C2CD3: variants seen among roughly 807,000 people sequenced by gnomAD.
C2CD3 encodes the protein C2 domain containing 3 centriole elongation regulator, also known as C2 domain-containing protein 3.
A neutral mutation model predicts 234.0 loss-of-function variants in C2CD3; 148 were observed. The observed-to-expected ratio is 0.63, with a 90% CI of 0.55 to 0.72. The LOEUF is 0.72. Ranked by LOEUF, C2CD3 falls within the 30% of genes least tolerant of loss-of-function variation. The pLI, the probability that C2CD3 is intolerant of heterozygous loss-of-function variation, is 0.00. For missense variants in C2CD3, 2,577 were observed against 2,811.5 expected (o/e 0.92, Z 1.89); for synonymous variants, 1,000 against 1,035.4 (o/e 0.97, Z 0.66).
chr11:74,118,368 G>A lies in C2CD3; in HGVS notation c.1380C>T (p.Ser460=). 1 of 1,612,288 alleles carries A rather than the reference G, an allele frequency of 6.2e-7. No homozygotes were observed. The highest frequency in any genetic ancestry group is 8.5e-7 in the Non-Finnish European group (1 of 1,178,502). Residue 460 remains serine (S), a synonymous_variant, in exon 9 of 33, where the codon AGC becomes AGT. Transcript: ENST00000334126. ...LFYTAPKSDT[S]ISDFLSEEDD... ...CCTCTTCACTGAGGAAATCACTGAT[G>A]CTGGTATCAGATTTCTATGGAGAGG...
Position 74,048,292 on chromosome 11 carries a change from G to A in C2CD3, c.5408C>T (p.Ala1803Val). 6.2e-7 allele frequency: 1 copy of A among 1,613,734 alleles called. No homozygotes were observed. Among genetic ancestry groups the A allele is most frequent in the Non-Finnish European group, 8.5e-7 (1 of 1,179,768 alleles). Residue 1803 changes from alanine (A) to valine (V), a missense_variant, in exon 28 of 33, where the codon GCT (alanine) becomes GTT (valine). Ala to Val is a moderately conservative substitution (Grantham distance 64). Coordinates refer to ENST00000334126, the MANE Select transcript of C2CD3 (RefSeq NM_001286577.2). ...PFSFPASDTY[A>V]AFSSHMARQT... Reference sequence around the variant, plus strand: ...CCTTGCCATGTGGCTGGAGAATGCAGCATACGTATCAGAGGCAGGGAAGGA... The same window carrying A: ...CCTTGCCATGTGGCTGGAGAATGCAACATACGTATCAGAGGCAGGGAAGGA...
chr11:74,066,725 C>G (rs192933648), intron 24 of C2CD3, among the ~76,000 whole-genome samples: 86 of 151,806 alleles, frequency 5.7e-4, no homozygotes, highest in Middle Eastern at 3.4e-3. Context: ...GCATCATAGT[C>G]AATCTGCTTA....
chr11:74,109,112 A>G lies in C2CD3; in HGVS notation c.1884T>C (p.Phe628=), dbSNP rs777025781. Residue 628 remains phenylalanine, a synonymous_variant, in exon 12 of 33, where the codon TTT becomes TTC. Coordinates refer to ENST00000334126, the MANE Select transcript of C2CD3 (RefSeq NM_001286577.2). The stretch of plus-strand genomic sequence containing the variant: ...ACCAGTGCTCTATCATTGGGCCACC[A>G]AACTGTACTGGAAACACAAATCGCT... The part of the protein sequence containing the change: ...FQQRFVFPVQ[F]GGPMIEHWWN... The G allele has an allele frequency of 1.3e-4, 208 of 1,599,934 alleles. No homozygotes were observed. Among genetic ancestry groups the G allele is most frequent in the Non-Finnish European group, 1.7e-4 (202 of 1,174,650 alleles).
At chr11:74,048,126 GA>G in intron 28 of C2CD3, 78 bp downstream of exon 28, 1 of 1,451,214 alleles carries the variant, frequency 6.9e-7, no homozygotes, top group Non-Finnish European at 9.4e-7. Context: ...TCTAATAAAG[GA>G]AAGAGAGAAA....
At chr11:74,055,383 A>C (rs941566429) in intron 25 of C2CD3, among the ~76,000 whole-genome samples, 1 of 139,156 alleles carries the variant, frequency 7.2e-6, no homozygotes, top group Non-Finnish European at 1.5e-5. Flanking sequence ...TATATATTAC[A>C]TAAATTACAG....
rs1857177134 is a variant in C2CD3, at chr11:74,170,973, C to T, written c.-181G>A. ...TCCGGAAAACGGTGCGAAGAGAAGGCGCCAAGACGCCTTCCCTCCAATACA... is the reference window on the plus strand; with the variant it reads ...TCCGGAAAACGGTGCGAAGAGAAGGTGCCAAGACGCCTTCCCTCCAATACA... On this transcript the variant is annotated 5_prime_UTR_variant, in exon 1 of 33. Transcript: ENST00000334126. The T allele has an allele frequency of 2.2e-6, 3 of 1,360,888 alleles. No homozygotes were observed. The highest frequency in any genetic ancestry group is 3.0e-6 in the Non-Finnish European group (3 of 1,009,160). The allele number at this position is 1,360,888 out of a possible 1,614,324, so 84.3% of individuals were successfully genotyped here.
intron 2 of C2CD3, among the ~76,000 whole-genome samples, chr11:74,163,641 C>T (rs1856618548): frequency 6.6e-6 from 1 of 152,080 alleles, no homozygotes; most frequent in Admixed American, 6.5e-5. Context: ...TGTTTGCTTC[C>T]CCTTCTGCCA....
At chr11:74,118,608 A>G (rs1271679981) in intron 8 of C2CD3, among the ~76,000 whole-genome samples, 1 of 152,242 alleles carries the variant, frequency 6.6e-6, no homozygotes, top group Admixed American at 6.5e-5. Context: ...AAAGGAAGGT[A>G]GATTCTTCTT....
intron 16 of C2CD3, among the ~76,000 whole-genome samples, chr11:74,097,086 T>C (rs992854434): frequency 6.0e-5 from 9 of 151,002 alleles, no homozygotes; most frequent in Admixed American, 3.3e-4. Flanking sequence ...TTGGTGGAGG[T>C]TGTAGTGAGC....
chr11:74,091,033 C>T, intron 19 of C2CD3, 97 bp from the exon 20 acceptor site: 3 of 1,244,344 alleles, frequency 2.4e-6, no homozygotes, highest in Non-Finnish European at 3.4e-6. Context: ...AGAGGATTAA[C>T]ACTACAACGA....
chr11:74,049,308 T>C, intron 27 of C2CD3, 29 bp downstream of exon 27: 2 of 1,575,610 alleles, frequency 1.3e-6, no homozygotes, highest in Non-Finnish European at 1.7e-6. Flanking sequence ...CAATTCGTAT[T>C]GGTTAGGGAT....
intron 3 of C2CD3, among the ~76,000 whole-genome samples, chr11:74,141,895 G>A (rs947835695): frequency 2.6e-5 from 4 of 151,856 alleles, no homozygotes; most frequent in African/African-American, 4.8e-5. Context: ...CTAGCTACTC[G>A]CTAGGCTGAG....
At chr11:74,132,753 A>G (rs1957716116) in intron 7 of C2CD3, 91 bp downstream of exon 7, 1 of 1,265,692 alleles carries the variant, frequency 7.9e-7, no homozygotes, top group Non-Finnish European at 1.1e-6. Flanking sequence ...GTCTAAGGAC[A>G]TGTTACTTTA....
chr11:74,041,484 T>G (rs1265127841), intron 29 of C2CD3, among the ~76,000 whole-genome samples: 1 of 152,084 alleles, frequency 6.6e-6, no homozygotes, highest in East Asian at 1.9e-4. Context: ...CAGCTCTTAC[T>G]ACCCTGCATT....
chr11:74,034,104 G>A lies in C2CD3; in HGVS notation c.6056C>T (p.Pro2019Leu). 6.5e-7 allele frequency: 1 copy of A among 1,536,188 alleles called. No homozygotes were observed. The highest frequency in any genetic ancestry group is 8.7e-7 in the Non-Finnish European group (1 of 1,146,922). The change falls in exon 31 of 33, where the codon CCA becomes CTA. Residue 2019 changes from proline (P) to leucine (L), a missense_variant. Physicochemically the swap from Pro to Leu is moderately conservative, Grantham distance 98 (BLOSUM62 -3). Transcript: ENST00000334126. ...AGTCTCTTCGAGAGGAGGGGGTGAT[G>A]GGGAATCTGTGCCTTTATCTGGAGC... is the stretch of plus-strand genomic sequence containing the variant. ...VRAPDKGTDS[P>L]SPPPLEETSN... is the part of the protein sequence containing the mutation.
chr11:74,093,789 C>T, intron 18 of C2CD3, 27 bp downstream of exon 18: 2 of 1,590,830 alleles, frequency 1.3e-6, no homozygotes, highest in Non-Finnish European at 1.7e-6. Context: ...CCTTCCTAGG[C>T]ATAGGACTGG....
At chr11:74,129,408 G>A (rs1280966780) in intron 7 of C2CD3, 25 of 175,572 alleles carry the variant, frequency 1.4e-4, no homozygotes, top group African/African-American at 4.7e-4. Flanking sequence ...GGTCGCGGCC[G>A]GGCAGAGGCG....
At chr11:74,098,351 T>C (rs1956189081) in intron 15 of C2CD3, 96 bp from the exon 16 acceptor site, 2 of 1,311,002 alleles carry the variant, frequency 1.5e-6, no homozygotes, top group Admixed American at 4.4e-5. Flanking sequence ...TTGTTAAAAA[T>C]AGATTTGCAA....
chr11:74,111,605 C>T lies in C2CD3; in HGVS notation c.1843+2175G>A, dbSNP rs56281925. 2.6e-3 allele frequency among the ~76,000 whole-genome samples: 399 copies of T among 152,064 alleles called. 4 individuals are homozygous for T. The highest frequency in any genetic ancestry group is 9.1e-3 in the African/African-American group (378 of 41,470). Reference sequence around the variant, plus strand: ...AATCCTAAATACTTCTGGTTCTAAGCATTTTGAAGAAAGGACACTCAACTT... The same window carrying T: ...AATCCTAAATACTTCTGGTTCTAAGTATTTTGAAGAAAGGACACTCAACTT... On this transcript the variant is annotated intron_variant, in intron 11 of 32. Transcript: ENST00000334126.
Sources: allele counts gnomAD v4.1 joint callset (sites outside exome capture counted in the v4.1 genomes callset), GRCh38; gene constraint gnomAD v4.1.1; transcripts MANE v1.5; gene names NCBI Gene and HGNC (gene_info 2026-07-23, HGNC 2026-07-21).